FAM13A: variants seen among roughly 807,000 people sequenced by gnomAD.
The protein encoded by FAM13A is family with sequence similarity 13 member A, also known as protein FAM13A.
Under a neutral mutation model 129.6 loss-of-function variants are expected in FAM13A, and 76 were observed. The observed-to-expected ratio is 0.59, with a 90% CI of 0.49 to 0.71. The LOEUF (loss-of-function observed/expected upper bound fraction) is 0.71. FAM13A is among the 30% of genes least tolerant of loss of function. The pLI is 0.00. For missense variants in FAM13A, 1,108 were observed against 1,249.3 expected (o/e 0.89, Z 1.70); for synonymous variants, 443 against 449.9 (o/e 0.98, Z 0.20).
At position 88,818,441 on chromosome 4, in the gene FAM13A, T is replaced by C. The variant is rs61152255; in HGVS notation, c.1008-13389A>G. ...GTCAGTGTCTATATATGTTTTCTGA[T>C]GGCAAGTTTACCACTGGTTTGTACT... On this transcript the variant is annotated intron_variant, in intron 7 of 23. Coordinates refer to ENST00000264344, the MANE Select transcript of FAM13A (RefSeq NM_014883.4). Among the ~76,000 whole-genome samples the C allele has an allele frequency of 6.0e-4, 92 of 152,350 alleles. 1 individual carries two copies. The highest frequency in any genetic ancestry group is 2.1e-3 in the African/African-American group (88 of 41,594).
intron 1 of FAM13A, among the ~76,000 whole-genome samples, chr4:89,037,973 C>A (rs564221858): frequency 6.6e-6 from 1 of 152,338 alleles, no homozygotes; most frequent in East Asian, 1.9e-4. Flanking sequence ...AGCACCCAGT[C>A]TCAGGTAGTT....
At chr4:88,991,555 A>G (rs12645240) in intron 3 of FAM13A, among the ~76,000 whole-genome samples, 105,349 of 151,740 alleles carry the variant, frequency 0.69, 36,672 homozygotes, top group Middle Eastern at 0.79. Context: ...TAATGTTTTA[A>G]TCCCCAAATT....
At chr4:88,912,352 T>C (rs545033032) in intron 5 of FAM13A, among the ~76,000 whole-genome samples, 7 of 152,256 alleles carry the variant, frequency 4.6e-5, no homozygotes, top group Admixed American at 2.0e-4. Context: ...CTTCCCCTGC[T>C]CTTGGACATT....
At chr4:88,938,023 G>T (rs567246171) in intron 5 of FAM13A, 65 bp downstream of exon 5, 4 of 1,257,274 alleles carry the variant, frequency 3.2e-6, no homozygotes, top group Admixed American at 3.5e-5. Context: ...TTATGAGAAA[G>T]AATTAAATAA....
At chr4:88,896,154 G>C (rs1464485648) in intron 6 of FAM13A, among the ~76,000 whole-genome samples, 1 of 151,790 alleles carries the variant, frequency 6.6e-6, no homozygotes, top group Non-Finnish European at 1.5e-5. Flanking sequence ...ATCATTCTCA[G>C]TAAACTATAG....
chr4:88,909,699 A>C (rs559740525), intron 5 of FAM13A, among the ~76,000 whole-genome samples: 29 of 152,110 alleles, frequency 1.9e-4, no homozygotes, highest in South Asian at 8.3e-4. Context: ...GTTGGCCAGG[A>C]TGGTCTCTAT....
intron 3 of FAM13A, among the ~76,000 whole-genome samples, chr4:89,018,687 G>C (rs1397595540): frequency 1.3e-5 from 2 of 152,250 alleles, no homozygotes; most frequent in Admixed American, 1.3e-4. Context: ...AAAAATTAGA[G>C]AGTGAGGATT....
intron 5 of FAM13A, among the ~76,000 whole-genome samples, chr4:88,912,564 T>TACACAC (rs1170258583): frequency 1.1e-5 from 1 of 87,362 alleles, no homozygotes; most frequent in African/African-American, 5.1e-5. Flanking sequence ...TTTACACACA[T>TACACAC]ACATACACAC....
intron 3 of FAM13A, among the ~76,000 whole-genome samples, chr4:88,997,981 C>A (rs986236361): frequency 1.3e-5 from 2 of 152,136 alleles, no homozygotes; most frequent in Admixed American, 1.3e-4. Flanking sequence ...CTCGACAACA[C>A]GGGCAGCCTC....
intron 14 of FAM13A, among the ~76,000 whole-genome samples, chr4:88,751,108 G>A (rs1432212942): frequency 6.6e-6 from 1 of 152,188 alleles, no homozygotes; most frequent in African/African-American, 2.4e-5. Context: ...TGGGCGTGGT[G>A]GCGGATGCCT....
At chr4:88,802,520 C>T (rs141166443) in intron 8 of FAM13A, among the ~76,000 whole-genome samples, 5 of 152,140 alleles carry the variant, frequency 3.3e-5, no homozygotes, top group African/African-American at 1.2e-4. Flanking sequence ...ACAGCCCTAC[C>T]ATATTACAGA....
intron 10 of FAM13A, among the ~76,000 whole-genome samples, chr4:88,783,641 T>A (rs1723400081): frequency 6.6e-6 from 1 of 152,180 alleles, no homozygotes; most frequent in African/African-American, 2.4e-5. Flanking sequence ...ATGGACGGAT[T>A]TATGTACCCT....
chr4:89,038,017 T>C (rs1769615589), intron 1 of FAM13A, among the ~76,000 whole-genome samples: 1 of 152,186 alleles, frequency 6.6e-6, no homozygotes, highest in South Asian at 2.1e-4. Context: ...CTAATACACA[T>C]GGCTGGTAAG....
chr4:88,917,471 CATCCAAACCAT>C (rs1579266618), intron 5 of FAM13A, among the ~76,000 whole-genome samples: 1 of 152,148 alleles, frequency 6.6e-6, no homozygotes, highest in East Asian at 1.9e-4. Flanking sequence ...AAACAAACCA[CATCCAAACCAT>C]AGCCAACTCT....
chr4:88,954,760 C>A (rs975315778), intron 4 of FAM13A, among the ~76,000 whole-genome samples: 2 of 151,888 alleles, frequency 1.3e-5, no homozygotes, highest in African/African-American at 4.8e-5. Flanking sequence ...GTGGTGCGCG[C>A]CTATAATCAC....
At chr4:88,850,938 G>T in intron 7 of FAM13A, 82 bp downstream of exon 7, 2 of 1,258,150 alleles carry the variant, frequency 1.6e-6, no homozygotes, top group Non-Finnish European at 2.3e-6. Context: ...GCAGATCAAT[G>T]CAGAAATACC....
At chr4:88,839,439 C>A (rs6841494) in intron 7 of FAM13A, among the ~76,000 whole-genome samples, 1 of 152,010 alleles carries the variant, frequency 6.6e-6, no homozygotes, top group Non-Finnish European at 1.5e-5. Context: ...CCTGCCTTTA[C>A]GGAGCTTACA....
chr4:88,876,848 C>A (rs1308722734), intron 6 of FAM13A, among the ~76,000 whole-genome samples: 2 of 152,186 alleles, frequency 1.3e-5, no homozygotes, highest in African/African-American at 4.8e-5. Context: ...GCCTCAGCCT[C>A]CCAAAGTGCT....
chr4:88,949,838 T>C (rs962149620), intron 4 of FAM13A, among the ~76,000 whole-genome samples: 1 of 152,202 alleles, frequency 6.6e-6, no homozygotes, highest in Admixed American at 6.5e-5. Flanking sequence ...ACAGAGTTTA[T>C]AAACAGTTCC....
Sources: allele counts gnomAD v4.1 joint callset (sites outside exome capture counted in the v4.1 genomes callset), GRCh38; gene constraint gnomAD v4.1.1; transcripts MANE v1.5; gene names NCBI Gene and HGNC (gene_info 2026-07-23, HGNC 2026-07-21).